The following RASA2 variants were observed in gnomAD, a reference collection of about 807,000 sequenced individuals.
The protein encoded by RASA2 is RAS p21 protein activator 2.
In RASA2, 155 loss-of-function variants were observed where a neutral mutation model predicts 118.2. That is an observed-to-expected ratio of 1.31 (90% CI 1.15 to 1.50). RASA2 has a LOEUF of 1.50. Ranked by LOEUF, RASA2 falls within the 40% of genes most tolerant of loss-of-function variation. The probability of loss-of-function intolerance (pLI) is 0.00; values close to 1 mark genes in which losing one functional copy is unlikely to be tolerated. For synonymous variants in RASA2, 353 were observed against 349.1 expected, an observed-to-expected ratio of 1.01 and a Z score of -0.12; for missense variants, 1,016 against 1,009.6, an observed-to-expected ratio of 1.01 and a Z score of -0.09.
chr3:141,605,853 G>A (rs2083540514), intron 19 of RASA2, among the ~76,000 whole-genome samples: 1 of 151,966 alleles, frequency 6.6e-6, no homozygotes, highest in Admixed American at 6.6e-5. Flanking sequence ...ATGAGGGAGG[G>A]ACAGGACAAG....
intron 5 of RASA2, among the ~76,000 whole-genome samples, chr3:141,541,518 G>A (rs1374587508): frequency 2.0e-5 from 3 of 151,942 alleles, no homozygotes; most frequent in Admixed American, 6.6e-5. Context: ...TAAGAATAAG[G>A]AATATTATCT....
At chr3:141,543,869 C>CTTT (rs1348866904) in intron 5 of RASA2, among the ~76,000 whole-genome samples, 2 of 112,022 alleles carry the variant, frequency 1.8e-5, no homozygotes, top group African/African-American at 4.0e-5. Context: ...TTCTTTCTTT[C>CTTT]TTTTTTCTTT....
intron 8 of RASA2, among the ~76,000 whole-genome samples, chr3:141,559,434 A>G (rs757328067): frequency 1.3e-5 from 2 of 152,106 alleles, no homozygotes; most frequent in Non-Finnish European, 2.9e-5. Flanking sequence ...TTGCGAAGGA[A>G]AAATCTTATA....
intron 5 of RASA2, 91 bp from the exon 6 acceptor site, chr3:141,553,766 C>T (rs1054071660): frequency 4.1e-5 from 62 of 1,518,876 alleles, no homozygotes; most frequent in Middle Eastern, 3.6e-4. Flanking sequence ...CAATTCTTAA[C>T]CTTTTGAATG....
At chr3:141,599,672 A>G (rs1246404336) in intron 19 of RASA2, among the ~76,000 whole-genome samples, 1 of 152,122 alleles carries the variant, frequency 6.6e-6, no homozygotes, top group Non-Finnish European at 1.5e-5. Context: ...TGAATAAGGA[A>G]ACTCCCTGTT....
intron 14 of RASA2, 122 bp from the exon 15 acceptor site, chr3:141,576,878 A>T: frequency 2.1e-6 from 1 of 477,028 alleles, no homozygotes; most frequent in Non-Finnish European, 3.6e-6. Flanking sequence ...TCATCAACTC[A>T]GTTCTTACTA....
At position 141,508,690 on chromosome 3, in the gene RASA2, T is replaced by C. The variant is rs1436203353; in HGVS notation, c.134-3473T>C. On this transcript the variant is annotated intron_variant, in intron 1 of 23. Transcript: ENST00000286364. ...ACTGCGCCCAGCCTGTTAGTGTTCT[T>C]CAAGGTTCTAAACAAGAAGTAGAGA... Among the ~76,000 whole-genome samples, 9 of 152,328 alleles carry C rather than the reference T, an allele frequency of 5.9e-5. No individual in the cohort carries two copies. The East Asian group carries it at 1.7e-3, about 29-fold the overall frequency.
chr3:141,510,334 C>T (rs1421518570), intron 1 of RASA2, among the ~76,000 whole-genome samples: 1 of 152,152 alleles, frequency 6.6e-6, no homozygotes, highest in East Asian at 1.9e-4. Flanking sequence ...AGCGCCCATA[C>T]TTGTGTATGT....
Position 141,612,664 on chromosome 3 carries a change from T to C in RASA2, c.*351T>C. 1 of 190,768 alleles carries C rather than the reference T, an allele frequency of 5.2e-6. No homozygotes were observed. The highest frequency in any genetic ancestry group is 2.2e-3 in the Middle Eastern group (1 of 446). The allele number at this position is 190,768 out of a possible 1,614,324, so 11.8% of individuals were successfully genotyped here. On this transcript the variant is annotated 3_prime_UTR_variant, in exon 24 of 24. Coordinates refer to ENST00000286364, the MANE Select transcript of RASA2 (RefSeq NM_006506.5). ...TCTTGTAACACTCTGTTCTGTGGAC[T>C]TGTTTTCACTACCATCAGTGCCTGC... is the stretch of plus-strand genomic sequence containing the variant.
In RASA2 at chr3:141,498,388, A is replaced by AATTGG. The variant is rs1299701541; in HGVS notation, c.133+11172_133+11173insATTGG. Among the ~76,000 whole-genome samples, 1,087 of 152,294 alleles carry AATTGG rather than the reference A, an allele frequency of 7.1e-3. 15 individuals are homozygous for AATTGG. The highest frequency in any genetic ancestry group is 0.025 in the African/African-American group (1,042 of 41,548). On this transcript the variant is annotated intron_variant, in intron 1 of 23. Transcript: ENST00000286364. ...TTATGTTGTCAAGAAGTTGATAATT[A>AATTGG]CTCCTAAATTGGCTATGGTCTAATG...
chr3:141,505,527 G>A (rs2081852411), intron 1 of RASA2, among the ~76,000 whole-genome samples: 1 of 152,156 alleles, frequency 6.6e-6, no homozygotes, highest in African/African-American at 2.4e-5. Flanking sequence ...AGGAATGAGA[G>A]AACAGTGTGT....
At chr3:141,515,229 T>A (rs2082005441) in intron 2 of RASA2, among the ~76,000 whole-genome samples, 1 of 152,248 alleles carries the variant, frequency 6.6e-6, no homozygotes, top group Admixed American at 6.5e-5. Context: ...TTGCATATTT[T>A]AATTTTTTAA....
rs944578775 is a variant in RASA2 at position 141,555,884 on chromosome 3, C to T, written c.656C>T (p.Pro219Leu). 32 of 1,611,142 alleles carry T rather than the reference C, an allele frequency of 2.0e-5. No homozygotes were observed. The highest frequency in any genetic ancestry group is 1.0e-4 in the Admixed American group (6 of 59,822). Residue 219 changes from proline to leucine, a missense_variant, in exon 7 of 24, where the codon CCG (proline) becomes CTG (leucine). Pro to Leu is a moderately conservative substitution (Grantham distance 98). Around this residue, in one of 2 missense-constraint regions of RASA2, gnomAD observed 896 missense variants for 836.4 expected, o/e 1.07. Coordinates refer to ENST00000286364, the MANE Select transcript of RASA2 (RefSeq NM_006506.5). ...AAAGTAAAGAAGAAAACAAGCAATCCGCAGTTTAATGAAATCTTTTATTTT... is the reference window on the plus strand; with the variant it reads ...AAAGTAAAGAAGAAAACAAGCAATCTGCAGTTTAATGAAATCTTTTATTTT... ...KTKVKKKTSN[P>L]QFNEIFYFEV...
chr3:141,518,050 G>T (rs1028935024), intron 3 of RASA2, among the ~76,000 whole-genome samples: 32 of 152,276 alleles, frequency 2.1e-4, no homozygotes, highest in African/African-American at 7.7e-4. Context: ...TCACATTCCT[G>T]ATCTTTGCAC....
rs781355927 is a variant in RASA2, at chr3:141,577,085, T to C, written c.1569T>C (p.Phe523=). Residue 523 remains phenylalanine, a synonymous_variant, in exon 15 of 24, where the codon TTT becomes TTC. Transcript: ENST00000286364. ...FAVAVVSPHT[F]HLRPHHPDAQ... is the part of the protein sequence containing the mutation. ...TAGCCGTAGTATCACCTCATACTTT[T>C]CATTTGCGACCTCATCATCCAGTAA... The C allele has an allele frequency of 2.2e-5, 36 of 1,604,090 alleles. No individual in the cohort carries two copies. Among genetic ancestry groups the C allele is most frequent in the Non-Finnish European group, 3.1e-5 (36 of 1,172,274 alleles).
chr3:141,608,750 G>A (rs1450581950), intron 21 of RASA2, 53 bp downstream of exon 21: 3 of 1,526,136 alleles, frequency 2.0e-6, no homozygotes, highest in Non-Finnish European at 2.7e-6. Flanking sequence ...ATATATCCAT[G>A]CAATGTTAAT....
chr3:141,590,086 A>AT, intron 19 of RASA2: 1 of 454,444 alleles, frequency 2.2e-6, no homozygotes, highest in Non-Finnish European at 4.4e-6. Flanking sequence ...ATTTTGATGG[A>AT]TTTTTCCAAA....
intron 9 of RASA2, among the ~76,000 whole-genome samples, chr3:141,561,286 G>A (rs541013697): frequency 4.0e-4 from 61 of 152,108 alleles, no homozygotes; most frequent in Non-Finnish European, 6.3e-4. Context: ...TAGTGCCTCC[G>A]GGTCCCTCAA....
chr3:141,516,266 G>A, intron 2 of RASA2, 62 bp from the exon 3 acceptor site: 2 of 1,054,372 alleles, frequency 1.9e-6, no homozygotes, highest in African/African-American at 1.7e-5. Flanking sequence ...ATTATTGAAA[G>A]TGATATTAAT....
Sources: gnomAD v4.1 joint callset for allele counts (sites outside exome capture counted in the v4.1 genomes callset) on GRCh38, gnomAD v4.1.1 for gene constraint, gnomAD v4.1.1 regional missense constraint, MANE v1.5 for transcripts, NCBI Gene and HGNC (gene_info 2026-07-23, HGNC 2026-07-21) for gene names.